Variants in DMD observed in about 807,000 individuals in gnomAD.
The protein encoded by DMD is dystrophin.
In DMD, 63 loss-of-function variants were observed where a neutral mutation model predicts 330.1. The observed-to-expected ratio is 0.19, with a 90% CI of 0.16 to 0.24. The LOEUF is 0.24. Among genes scored for constraint, DMD ranks in the 10% least tolerant of loss-of-function variants. DMD has a pLI of 1.00. For synonymous variants in DMD, 1,223 were observed against 959.8 expected, an observed-to-expected ratio of 1.27 and a Z score of -5.07; for missense variants, 3,344 against 2,684.1, an observed-to-expected ratio of 1.25 and a Z score of -5.43.
chrX:31,388,696 G>A (rs1158759692), intron 60 of DMD, among the ~76,000 whole-genome samples: 1 of 111,722 alleles, frequency 9.0e-6, no homozygotes, highest in African/African-American at 3.3e-5. Context: ...GAGGTCAGGA[G>A]TTTGAGACCA....
Position 32,501,855 on chromosome X carries a change from A to G in DMD, c.2293-13T>C. On this transcript the variant is annotated splice_polypyrimidine_tract_variant and intron_variant, in intron 18 of 78. Coordinates refer to ENST00000357033, the MANE Select transcript of DMD (RefSeq NM_004006.3). ...CTCGCTCTATGGCCTGCAGCATGAG[A>G]GCAAAGATGAGTAATTCAATACAAG... 2 of 1,142,473 alleles carry G rather than the reference A, an allele frequency of 1.8e-6. No homozygotes were observed. The highest frequency in any genetic ancestry group is 2.4e-6 in the Non-Finnish European group (2 of 836,573). 94.2% of individuals were successfully genotyped at this position (1,142,473 alleles called of 1,213,427 possible).
At chrX:31,594,315 G>A (rs1388474611) in intron 55 of DMD, among the ~76,000 whole-genome samples, 1 of 110,278 alleles carries the variant, frequency 9.1e-6, no homozygotes, top group Non-Finnish European at 1.9e-5. Flanking sequence ...TTAGCTCAGA[G>A]TTATGTCATC....
chrX:31,418,424 G>C (rs57875151), intron 60 of DMD, among the ~76,000 whole-genome samples: 3 of 111,575 alleles, frequency 2.7e-5, no homozygotes, highest in Non-Finnish European at 5.7e-5. Context: ...ATTTTGGGGA[G>C]ACACAAATAT....
chrX:32,518,233 G>T, intron 17 of DMD, 102 bp from the exon 18 acceptor site: 1 of 849,160 alleles, frequency 1.2e-6, no homozygotes, highest in Non-Finnish European at 1.7e-6. Flanking sequence ...CTCAATCTGA[G>T]ACTCCTGCCT....
At chrX:32,026,793 T>C (rs2095848434) in intron 44 of DMD, among the ~76,000 whole-genome samples, 1 of 112,066 alleles carries the variant, frequency 8.9e-6, no homozygotes, top group Non-Finnish European at 1.9e-5. Flanking sequence ...AAAATGGGCA[T>C]TCCCATCTGC....
At chrX:32,828,809 C>T (rs1011302430) in intron 4 of DMD, among the ~76,000 whole-genome samples, 10 of 110,687 alleles carry the variant, frequency 9.0e-5, no homozygotes, top group Non-Finnish European at 1.5e-4. Context: ...GTTTTTGATT[C>T]TTTTAGTTTT....
chrX:32,506,880 A>C (rs898371875), intron 18 of DMD, among the ~76,000 whole-genome samples: 3 of 111,812 alleles, frequency 2.7e-5, no homozygotes, highest in African/African-American at 9.7e-5. Context: ...TTGAACTGAA[A>C]AGTCCATGAA....
intron 55 of DMD, among the ~76,000 whole-genome samples, chrX:31,521,799 C>T (rs185117060): frequency 7.2e-5 from 8 of 111,496 alleles, no homozygotes; most frequent in African/African-American, 2.6e-4. Context: ...TAATGTTATC[C>T]TGAACAGAAA....
intron 1 of DMD, among the ~76,000 whole-genome samples, chrX:33,275,255 A>T (rs1024294564): frequency 9.0e-6 from 1 of 111,513 alleles, no homozygotes. Flanking sequence ...TTGCTCATAA[A>T]ATTAGCAATG....
chrX:32,136,203 T>C (rs1478362369), intron 44 of DMD, among the ~76,000 whole-genome samples: 1 of 112,819 alleles, frequency 8.9e-6, no homozygotes, highest in Non-Finnish European at 1.9e-5. Context: ...AAACATCAAA[T>C]GCTTTCTTTT....
chrX:31,601,254 T>C (rs767320832), intron 55 of DMD, among the ~76,000 whole-genome samples: 1 of 112,490 alleles, frequency 8.9e-6, no homozygotes, highest in Admixed American at 9.4e-5. Flanking sequence ...TAACTTGATA[T>C]AGGATTGATG....
chrX:31,658,094 A>G lies in DMD; in HGVS notation c.7923T>C (p.Asn2641=), dbSNP rs200170279. ...RQWQTNVDVA[N]DLALKLLRDY... Reference sequence around the variant, plus strand: ...CCCGGAGAAGTTTCAGGGCCAAGTCATTTGCCACATCTACATTTGTCTGCC... The same window carrying G: ...CCCGGAGAAGTTTCAGGGCCAAGTCGTTTGCCACATCTACATTTGTCTGCC... The change falls in exon 54 of 79, where the codon AAT becomes AAC. Residue 2641 remains asparagine, a synonymous_variant. Coordinates refer to ENST00000357033, the MANE Select transcript of DMD (RefSeq NM_004006.3). 7 of 1,211,708 alleles carry G rather than the reference A, an allele frequency of 5.8e-6. No homozygotes were observed. Among genetic ancestry groups the G allele is most frequent in the Non-Finnish European group, 7.8e-6 (7 of 895,327 alleles).
chrX:32,769,190 A>G (rs116040704), intron 7 of DMD, among the ~76,000 whole-genome samples: 4,184 of 112,542 alleles, frequency 0.037, 198 homozygotes, highest in African/African-American at 0.13. Context: ...TGGACGATTT[A>G]CAAAAGAAAG....
chrX:31,222,325 T>G (rs2046160568), intron 64 of DMD, among the ~76,000 whole-genome samples: 1 of 94,193 alleles, frequency 1.1e-5, no homozygotes, highest in Admixed American at 1.3e-4. Flanking sequence ...GAGGTGGAGG[T>G]TGCAGTGAGC....
chrX:31,266,567 C>T (rs1383163302), intron 62 of DMD, among the ~76,000 whole-genome samples: 1 of 112,092 alleles, frequency 8.9e-6, no homozygotes, highest in Non-Finnish European at 1.9e-5. Flanking sequence ...TCTCCGAGCC[C>T]GTCCCAAAGC....
chrX:32,402,774 C>T (rs1291073438), intron 30 of DMD, among the ~76,000 whole-genome samples: 1 of 111,448 alleles, frequency 9.0e-6, no homozygotes, highest in African/African-American at 3.3e-5. Context: ...AATCATAAGG[C>T]ATTATGACAA....
intron 62 of DMD, among the ~76,000 whole-genome samples, chrX:31,315,685 C>T (rs1383842476): frequency 8.9e-6 from 1 of 112,162 alleles, no homozygotes; most frequent in Non-Finnish European, 1.9e-5. Flanking sequence ...ATTATTTTCC[C>T]CATACACACA....
chrX:32,103,350 C>T (rs1371384021), intron 44 of DMD, among the ~76,000 whole-genome samples: 3 of 111,858 alleles, frequency 2.7e-5, no homozygotes, highest in African/African-American at 9.8e-5. Context: ...TATTAAATAT[C>T]AAGTGTTATT....
At chrX:31,128,806 C>T (rs1264918368) in intron 77 of DMD, among the ~76,000 whole-genome samples, 1 of 111,407 alleles carries the variant, frequency 9.0e-6, no homozygotes, top group Non-Finnish European at 1.9e-5. Context: ...CTCATTAACA[C>T]ATTACAAAAG....
Sources: allele counts gnomAD v4.1 joint callset (sites outside exome capture counted in the v4.1 genomes callset), GRCh38; gene constraint gnomAD v4.1.1; transcripts MANE v1.5; gene names NCBI Gene and HGNC (gene_info 2026-07-23, HGNC 2026-07-21).